Variants in ARHGAP15 observed in about 807,000 individuals in gnomAD.
ARHGAP15 encodes the protein Rho GTPase activating protein 15, also known as rho GTPase-activating protein 15.
In ARHGAP15, 51 loss-of-function variants were observed where a neutral mutation model predicts 63.7. The ratio of observed to expected loss-of-function variants is 0.80; its 90% CI spans 0.64 to 1.01. The LOEUF (loss-of-function observed/expected upper bound fraction) is 1.01, where lower values mean the gene tolerates loss of function less well. Among genes scored for constraint, ARHGAP15 ranks in the 50% least tolerant of loss-of-function variants. The pLI, the probability that ARHGAP15 is intolerant of heterozygous loss-of-function variation, is 0.00. For missense variants in ARHGAP15, 560 were observed against 564.6 expected, an observed-to-expected ratio of 0.99 and a Z score of 0.08; for synonymous variants, 191 against 193.8, an observed-to-expected ratio of 0.99 and a Z score of 0.12.
At chr2:143,730,892 TAAAAAAAAAAA>T (rs1158246680) in intron 13 of ARHGAP15, among the ~76,000 whole-genome samples, 4 of 84,052 alleles carry the variant, frequency 4.8e-5, no homozygotes, top group African/African-American at 1.4e-4. Context: ...AGCACTCCTT[TAAAAAAAAAAA>T]AAAAAAAAAA....
At chr2:143,513,442 A>G (rs756969240) in intron 9 of ARHGAP15, among the ~76,000 whole-genome samples, 7 of 152,294 alleles carry the variant, frequency 4.6e-5, no homozygotes, top group Admixed American at 3.3e-4. Flanking sequence ...ACTTATAACT[A>G]AGTAGTCCCC....
intron 12 of ARHGAP15, among the ~76,000 whole-genome samples, chr2:143,691,756 A>G (rs2105395039): frequency 6.6e-6 from 1 of 152,346 alleles, no homozygotes; most frequent in South Asian, 2.1e-4. Context: ...AGAATTCATC[A>G]ATTTACAATA....
intron 5 of ARHGAP15, chr2:143,236,157 A>C: frequency 1.7e-6 from 1 of 604,586 alleles, no homozygotes; most frequent in Non-Finnish European, 2.6e-6. Context: ...TTGTTTTTAC[A>C]TTAGGGGCAA....
At chr2:143,183,547 A>G (rs1691320202) in intron 2 of ARHGAP15, among the ~76,000 whole-genome samples, 1 of 152,126 alleles carries the variant, frequency 6.6e-6, no homozygotes, top group Non-Finnish European at 1.5e-5. Flanking sequence ...AGTATATAAA[A>G]GTATCTAAAA....
intron 10 of ARHGAP15, among the ~76,000 whole-genome samples, chr2:143,535,420 T>C (rs1694709636): frequency 6.6e-6 from 1 of 152,172 alleles, no homozygotes; most frequent in Non-Finnish European, 1.5e-5. Flanking sequence ...ATATGACCAG[T>C]GAGGTTTGAT....
At chr2:143,396,883 A>G (rs1015344010) in intron 6 of ARHGAP15, among the ~76,000 whole-genome samples, 1 of 152,134 alleles carries the variant, frequency 6.6e-6, no homozygotes, top group African/African-American at 2.4e-5. Flanking sequence ...AAGTCTGTGA[A>G]GATTATTTAT....
intron 6 of ARHGAP15, among the ~76,000 whole-genome samples, chr2:143,355,726 A>T (rs1489729005): frequency 1.3e-5 from 2 of 152,180 alleles, no homozygotes; most frequent in Non-Finnish European, 2.9e-5. Context: ...TATCCATAGT[A>T]CCAAAAAAAT....
At chr2:143,296,028 T>TA (rs1338576192) in intron 6 of ARHGAP15, among the ~76,000 whole-genome samples, 1 of 152,002 alleles carries the variant, frequency 6.6e-6, no homozygotes, top group African/African-American at 2.4e-5. Context: ...AAGACCTCGG[T>TA]ATTCTGGCTG....
In ARHGAP15 at chr2:143,365,629, A is replaced by C. The variant is rs550688531; in HGVS notation, c.475-69972A>C. ...CCACACAAATCACCAGCAAGAAATTACAGAGCCTGGATTATAAACATAGAA... is the reference window on the plus strand; with the variant it reads ...CCACACAAATCACCAGCAAGAAATTCCAGAGCCTGGATTATAAACATAGAA... On this transcript the variant is annotated intron_variant, in intron 6 of 13. Coordinates refer to ENST00000295095, the MANE Select transcript of ARHGAP15 (RefSeq NM_018460.4). Among the ~76,000 whole-genome samples, 3 of 152,350 alleles carry C rather than the reference A, an allele frequency of 2.0e-5. No individual in the cohort carries two copies. In the South Asian group the frequency reaches 6.2e-4, roughly 32 times the overall value.
chr2:143,710,905 A>G (rs940363135), intron 13 of ARHGAP15, among the ~76,000 whole-genome samples: 21 of 152,348 alleles, frequency 1.4e-4, no homozygotes, highest in African/African-American at 4.8e-4. Flanking sequence ...ATAAATTCAT[A>G]TTTGTGAAAA....
At chr2:143,662,876 A>C (rs1458671026) in intron 12 of ARHGAP15, among the ~76,000 whole-genome samples, 1 of 142,156 alleles carries the variant, frequency 7.0e-6, no homozygotes, top group Admixed American at 6.9e-5. Context: ...AAAAGAATAA[A>C]AAGAAATGAG....
chr2:143,638,749 A>G (rs1034824556), intron 12 of ARHGAP15, among the ~76,000 whole-genome samples: 4 of 151,492 alleles, frequency 2.6e-5, no homozygotes, highest in African/African-American at 7.2e-5. Context: ...TTCTCTAGAC[A>G]TTTGGACAAC....
At chr2:143,706,223 C>T (rs373418353) in intron 13 of ARHGAP15, among the ~76,000 whole-genome samples, 24 of 151,984 alleles carry the variant, frequency 1.6e-4, no homozygotes, top group African/African-American at 2.7e-4. Flanking sequence ...CCAATCGTGG[C>T]GTGTCATCAA....
chr2:143,483,120 A>AT (rs1692153441), intron 8 of ARHGAP15, among the ~76,000 whole-genome samples: 1 of 152,156 alleles, frequency 6.6e-6, no homozygotes. Context: ...TTAAAAACAT[A>AT]TTTTCATTTT....
intron 5 of ARHGAP15, among the ~76,000 whole-genome samples, chr2:143,238,877 G>C (rs1369380428): frequency 6.6e-6 from 1 of 152,192 alleles, no homozygotes; most frequent in Admixed American, 6.5e-5. Context: ...AAAGGAATGA[G>C]ATCATGACCT....
intron 2 of ARHGAP15, among the ~76,000 whole-genome samples, chr2:143,189,797 C>T (rs1574069516): frequency 6.6e-6 from 1 of 151,958 alleles, no homozygotes; most frequent in Non-Finnish European, 1.5e-5. Context: ...TTCGCTTTTC[C>T]TGATATTTTT....
intron 11 of ARHGAP15, among the ~76,000 whole-genome samples, chr2:143,585,432 T>C (rs1697074208): frequency 6.6e-6 from 1 of 152,108 alleles, no homozygotes; most frequent in African/African-American, 2.4e-5. Flanking sequence ...ATCTTAATAT[T>C]TAGTGAACAA....
chr2:143,309,217 A>C (rs897714992), intron 6 of ARHGAP15, among the ~76,000 whole-genome samples: 1 of 152,114 alleles, frequency 6.6e-6, no homozygotes, highest in Non-Finnish European at 1.5e-5. Flanking sequence ...ATTTAGCAAC[A>C]AAGAGCCTAG....
chr2:143,443,938 C>T lies in ARHGAP15; in HGVS notation c.703+6896C>T, dbSNP rs73003381. On this transcript the variant is annotated intron_variant, in intron 8 of 13. Transcript: ENST00000295095. The stretch of plus-strand genomic sequence containing the variant: ...TTCAATGAATCATTTGATAAGAGGA[C>T]TTCATTATGAGCTGAGCAAAGAATG... Among the ~76,000 whole-genome samples, 198 of 152,252 alleles carry T rather than the reference C, an allele frequency of 1.3e-3. 1 individual carries two copies. The highest frequency in any genetic ancestry group is 4.4e-3 in the African/African-American group (182 of 41,560).
Sources: allele counts gnomAD v4.1 joint callset (sites outside exome capture counted in the v4.1 genomes callset), GRCh38; gene constraint gnomAD v4.1.1; transcripts MANE v1.5; gene names NCBI Gene and HGNC (gene_info 2026-07-23, HGNC 2026-07-21).